NIBAN1: variants seen among roughly 807,000 people sequenced by gnomAD.
NIBAN1 encodes the protein niban apoptosis regulator 1, also known as protein Niban 1.
NIBAN1 carries 81 observed loss-of-function variants against 75.1 expected under a neutral mutation model. The ratio of observed to expected loss-of-function variants is 1.08; its 90% CI spans 0.90 to 1.30. The LOEUF (loss-of-function observed/expected upper bound fraction) is 1.30, where lower values mean the gene tolerates loss of function less well. NIBAN1 is among the 50% of genes most tolerant of loss of function. The pLI is 0.00. For missense variants in NIBAN1, 1,133 were observed against 1,128.1 expected (o/e 1.00, Z -0.06); for synonymous variants, 436 against 424.8 (o/e 1.03, Z -0.32).
At chr1:184,872,976 G>A (rs1656148601) in intron 5 of NIBAN1, among the ~76,000 whole-genome samples, 2 of 152,148 alleles carry the variant, frequency 1.3e-5, no homozygotes, top group Non-Finnish European at 2.9e-5. Context: ...AAAAAAATAG[G>A]AAAGAAAGCA....
chr1:184,924,798 G>A (rs920587000), intron 1 of NIBAN1, among the ~76,000 whole-genome samples: 1 of 152,014 alleles, frequency 6.6e-6, no homozygotes, highest in African/African-American at 2.4e-5. Flanking sequence ...TTTCTCTTAG[G>A]TTTTCCAACT....
At chr1:184,802,429 A>G (rs1654070518) in intron 12 of NIBAN1, among the ~76,000 whole-genome samples, 1 of 152,198 alleles carries the variant, frequency 6.6e-6, no homozygotes, top group Admixed American at 6.5e-5. Flanking sequence ...TCTGTGTGCA[A>G]ACCCACCTAG....
intron 1 of NIBAN1, among the ~76,000 whole-genome samples, chr1:184,913,844 G>A (rs1234609810): frequency 6.6e-6 from 1 of 152,202 alleles, no homozygotes. Flanking sequence ...TGAACTTCCT[G>A]TTGATTGGAT....
chr1:184,912,844 G>T (rs576797914), intron 1 of NIBAN1, among the ~76,000 whole-genome samples: 66 of 152,258 alleles, frequency 4.3e-4, no homozygotes, highest in African/African-American at 1.6e-3. Context: ...CTATGGAAAG[G>T]TGCCCCTTCT....
chr1:184,795,935 C>G lies in NIBAN1; in HGVS notation c.1829G>C (p.Gly610Ala), dbSNP rs755786777. The G allele has an allele frequency of 6.2e-7, 1 of 1,614,086 alleles. No homozygotes were observed. Among genetic ancestry groups the G allele is most frequent in the African/African-American group, 1.3e-5 (1 of 74,944 alleles). The change falls in exon 14 of 14, where the codon GGT becomes GCT. Residue 610 changes from glycine (G) to alanine (A), a missense_variant. By Grantham distance (60) the Gly-to-Ala change is moderately conservative (BLOSUM62 0). Coordinates refer to ENST00000367511, the MANE Select transcript of NIBAN1 (RefSeq NM_052966.4). ...RASAILPGVL[G>A]SETLSNEVFQ... ...TACTTCGTTACTGAGGGTCTCACTA[C>G]CCAGAACTCCTGGCAGAATGGCAGA...
chr1:184,823,512 T>A, intron 7 of NIBAN1, 126 bp downstream of exon 7: 2 of 1,253,910 alleles, frequency 1.6e-6, no homozygotes, highest in Non-Finnish European at 1.1e-6. Context: ...ACTCAGCAGG[T>A]TCGAAGTAGG....
chr1:184,922,902 C>A (rs1657596917), intron 1 of NIBAN1, among the ~76,000 whole-genome samples: 1 of 152,160 alleles, frequency 6.6e-6, no homozygotes, highest in Non-Finnish European at 1.5e-5. Context: ...TTAAATCACG[C>A]CTGATTTAAC....
chr1:184,815,698 A>G (rs1418570355), intron 9 of NIBAN1, among the ~76,000 whole-genome samples: 3 of 152,220 alleles, frequency 2.0e-5, no homozygotes. Flanking sequence ...TTATACTTTA[A>G]TAGATAAAAA....
In NIBAN1 at chr1:184,795,689, T is replaced by A; in HGVS notation, c.2075A>T (p.Asp692Val). The change falls in exon 14 of 14, where the codon GAT (aspartate) becomes GTT (valine). Residue 692 changes from aspartate to valine, a missense_variant. Asp to Val is a radical substitution (Grantham distance 152). Coordinates refer to ENST00000367511, the MANE Select transcript of NIBAN1 (RefSeq NM_052966.4). Reference sequence around the variant, plus strand: ...TGGCTCTTCCTGGGCGGGTTCTTCATCCTCAAGGGTCCCTCCAAACTCCAG... The same window carrying A: ...TGGCTCTTCCTGGGCGGGTTCTTCAACCTCAAGGGTCCCTCCAAACTCCAG... ...SELEFGGTLEDEEPAQEEPEP... is the reference protein window; with the variant it reads ...SELEFGGTLEVEEPAQEEPEP... The A allele has an allele frequency of 1.2e-6, 2 of 1,614,074 alleles. No homozygotes were observed. Among genetic ancestry groups the A allele is most frequent in the Non-Finnish European group, 1.7e-6 (2 of 1,179,978 alleles).
chr1:184,910,165 C>G (rs1353523300), intron 1 of NIBAN1, among the ~76,000 whole-genome samples: 2 of 152,042 alleles, frequency 1.3e-5, no homozygotes, highest in African/African-American at 4.8e-5. Context: ...TTACTTCTAA[C>G]TAGTCATTAT....
At chr1:184,920,931 C>T (rs1380540143) in intron 1 of NIBAN1, among the ~76,000 whole-genome samples, 2 of 151,984 alleles carry the variant, frequency 1.3e-5, no homozygotes, top group Non-Finnish European at 2.9e-5. Context: ...GTCAGGAGTT[C>T]GAGACCTGAC....
At chr1:184,948,798 TTATG>T (rs1658291093) in intron 1 of NIBAN1, among the ~76,000 whole-genome samples, 1 of 152,088 alleles carries the variant, frequency 6.6e-6, no homozygotes, top group African/African-American at 2.4e-5. Flanking sequence ...ATTTTGTTTT[TTATG>T]TGTGTGGATA....
intron 6 of NIBAN1, among the ~76,000 whole-genome samples, chr1:184,826,598 C>G (rs1654847431): frequency 6.6e-6 from 1 of 152,158 alleles, no homozygotes; most frequent in African/African-American, 2.4e-5. Context: ...TTATGAAACT[C>G]AAGGGTCATA....
At position 184,798,283 on chromosome 1, in the gene NIBAN1, C is replaced by T. The variant is rs913423524; in HGVS notation, c.1555-93G>A. The T allele has an allele frequency of 9.9e-5, 73 of 737,762 alleles. No homozygotes were observed. In the African/African-American group the frequency reaches 1.3e-3, roughly 13 times the overall value. The allele number at this position is 737,762 out of a possible 1,614,324, so 45.7% of individuals were successfully genotyped here. A position where few individuals can be genotyped will look rare whatever the true frequency, so the allele number is the denominator to read the frequency against. On this transcript the variant is annotated intron_variant, in intron 12 of 13. Coordinates refer to ENST00000367511, the MANE Select transcript of NIBAN1 (RefSeq NM_052966.4). ...GAAAGGACGATTCCCACTCATGATT[C>T]TCTTCTTGGAGGGCATAAGAGAAGG...
At chr1:184,884,606 G>T in intron 5 of NIBAN1, 27 bp downstream of exon 5, 3 of 1,611,312 alleles carry the variant, frequency 1.9e-6, no homozygotes, top group Non-Finnish European at 2.5e-6. Flanking sequence ...TTCCCGCCCC[G>T]GGGATGAGAG....
At chr1:184,972,017 A>C (rs1223272722) in intron 1 of NIBAN1, among the ~76,000 whole-genome samples, 1 of 152,214 alleles carries the variant, frequency 6.6e-6, no homozygotes, top group East Asian at 1.9e-4. Context: ...CAGCTGTTAA[A>C]TGATTTGTCT....
intron 1 of NIBAN1, among the ~76,000 whole-genome samples, chr1:184,914,790 G>A (rs234675): frequency 0.054 from 8,028 of 148,874 alleles, 741 homozygotes; most frequent in African/African-American, 0.19. Context: ...GCGTGATCTC[G>A]CAGCTCACTG....
At chr1:184,883,544 T>C (rs773931702) in intron 5 of NIBAN1, among the ~76,000 whole-genome samples, 8 of 152,184 alleles carry the variant, frequency 5.3e-5, no homozygotes, top group Non-Finnish European at 1.2e-4. Flanking sequence ...TTCACCTCAG[T>C]ATATCAAAAA....
intron 1 of NIBAN1, among the ~76,000 whole-genome samples, chr1:184,912,396 C>T (rs1056178236): frequency 6.6e-6 from 1 of 152,110 alleles, no homozygotes; most frequent in Non-Finnish European, 1.5e-5. Flanking sequence ...AAAGGGTGAG[C>T]ATCTTCACCT....
Sources: gnomAD v4.1 joint callset for allele counts (sites outside exome capture counted in the v4.1 genomes callset) on GRCh38, gnomAD v4.1.1 for gene constraint, MANE v1.5 for transcripts, NCBI Gene and HGNC (gene_info 2026-07-23, HGNC 2026-07-21) for gene names.